PDE10A: variants seen among roughly 807,000 people sequenced by gnomAD.
The protein encoded by PDE10A is phosphodiesterase 10A.
PDE10A carries 39 observed loss-of-function variants against 97.7 expected under a neutral mutation model. That is an observed-to-expected ratio of 0.40 (90% CI 0.31 to 0.52). PDE10A has a LOEUF of 0.52. Ranked by LOEUF, PDE10A falls within the 20% of genes least tolerant of loss-of-function variation. The pLI is 0.56. For missense variants in PDE10A, 731 were observed against 1,047.8 expected (o/e 0.70, Z 4.17); for synonymous variants, 371 against 376.8 (o/e 0.98, Z 0.18).
intron 17 of PDE10A, among the ~76,000 whole-genome samples, chr6:165,382,226 C>T (rs185881800): frequency 9.8e-4 from 149 of 152,242 alleles, no homozygotes; most frequent in African/African-American, 3.3e-3. Context: ...AAAGATGACC[C>T]AGGGACTGCC....
chr6:165,685,829 T>C (rs2128440523), intron 1 of PDE10A, among the ~76,000 whole-genome samples: 1 of 152,322 alleles, frequency 6.6e-6, no homozygotes, highest in East Asian at 1.9e-4. Context: ...AAGGTCACAA[T>C]GTTCTCTGTG....
intron 1 of PDE10A, among the ~76,000 whole-genome samples, chr6:165,580,757 A>C (rs1562599510): frequency 6.6e-6 from 1 of 150,604 alleles, no homozygotes; most frequent in East Asian, 1.9e-4. Context: ...GAAGATAGTA[A>C]GTCTCCTACC....
intron 4 of PDE10A, among the ~76,000 whole-genome samples, chr6:165,449,445 T>A (rs1436864935): frequency 6.6e-6 from 1 of 152,160 alleles, no homozygotes; most frequent in East Asian, 1.9e-4. Context: ...CTCAGGGTCA[T>A]CTGAAGGCAA....
chr6:165,722,331 T>C (rs1792185853), intron 1 of PDE10A, among the ~76,000 whole-genome samples: 2 of 152,186 alleles, frequency 1.3e-5, no homozygotes, highest in African/African-American at 2.4e-5. Context: ...GAAGGTTAAT[T>C]TCTACTCATA....
intron 1 of PDE10A, among the ~76,000 whole-genome samples, chr6:165,653,292 G>T (rs1031360856): frequency 6.6e-6 from 1 of 152,142 alleles, no homozygotes; most frequent in Non-Finnish European, 1.5e-5. Context: ...CTTCCTACCC[G>T]CAAGGAACAC....
At chr6:165,684,391 T>A (rs1378843399) in intron 1 of PDE10A, among the ~76,000 whole-genome samples, 1 of 152,250 alleles carries the variant, frequency 6.6e-6, no homozygotes, top group Non-Finnish European at 1.5e-5. Flanking sequence ...TAAATATTTG[T>A]TCATCGAATA....
chr6:165,943,218 AGAAAGAAAGAAAGAAAGAAGGAAGGAAG>A (rs1316765642), intron 1 of PDE10A, among the ~76,000 whole-genome samples: 44 of 76,398 alleles, frequency 5.8e-4, no homozygotes, highest in South Asian at 8.7e-4. Context: ...AAAGAAAGAA[AGAAAGAAAGAAAGAAAGAAGGAAGGAAG>A]GAAGGAAGGA....
intron 1 of PDE10A, among the ~76,000 whole-genome samples, chr6:165,756,835 TTA>T (rs76957600): frequency 0.14 from 21,307 of 152,074 alleles, 2,296 homozygotes; most frequent in African/African-American, 0.3. Flanking sequence ...TTTTCCAGTC[TTA>T]TGTGAAAAAC....
intron 18 of PDE10A, among the ~76,000 whole-genome samples, chr6:165,352,843 G>C (rs747324239): frequency 6.6e-6 from 1 of 152,036 alleles, no homozygotes; most frequent in Non-Finnish European, 1.5e-5. Flanking sequence ...GAATAAGCTA[G>C]ACTTCATTAA....
intron 2 of PDE10A, among the ~76,000 whole-genome samples, chr6:165,504,363 A>T (rs1019007733): frequency 6.6e-6 from 1 of 152,234 alleles, no homozygotes; most frequent in African/African-American, 2.4e-5. Context: ...ATAGCATTAA[A>T]TATCCAGAAT....
chr6:165,514,273 G>A (rs1305696768), intron 2 of PDE10A, among the ~76,000 whole-genome samples: 1 of 152,132 alleles, frequency 6.6e-6, no homozygotes. Context: ...GCTTTGATAC[G>A]AGGTTAATAC....
intron 1 of PDE10A, among the ~76,000 whole-genome samples, chr6:165,859,050 G>C (rs901855034): frequency 6.6e-6 from 1 of 152,120 alleles, no homozygotes; most frequent in Non-Finnish European, 1.5e-5. Context: ...CTGAACCACT[G>C]ACCTTAGGGA....
intron 1 of PDE10A, among the ~76,000 whole-genome samples, chr6:165,789,207 A>AT (rs1386155220): frequency 6.6e-6 from 1 of 152,174 alleles, no homozygotes; most frequent in African/African-American, 2.4e-5. Context: ...GAAGTTAATA[A>AT]TTTTTTTACA....
At chr6:165,374,710 TTA>T (rs1784498909) in intron 18 of PDE10A, among the ~76,000 whole-genome samples, 2 of 152,098 alleles carry the variant, frequency 1.3e-5, no homozygotes, top group South Asian at 4.1e-4. Context: ...ATACATTGTT[TTA>T]TTGCATTTTG....
rs756956921 is a variant in PDE10A, at chr6:165,723,088, C to T, written c.-614-179520G>A. Among the ~76,000 whole-genome samples, 19 of 152,194 alleles carry T rather than the reference C, an allele frequency of 1.2e-4. 1 individual carries two copies. The highest frequency in any genetic ancestry group is 1.9e-4 in the Non-Finnish European group (13 of 68,008). ...CAGAACACAGGGAATGCCTATGCCT[C>T]GCTTGCTGATCTCCACTGACTCACA... On this transcript the variant is annotated intron_variant, in intron 1 of 19. Coordinates refer to the PDE10A transcript ENST00000366882.
At chr6:165,960,285 A>G (rs1309701724) in intron 1 of PDE10A, among the ~76,000 whole-genome samples, 1 of 152,244 alleles carries the variant, frequency 6.6e-6, no homozygotes, top group Non-Finnish European at 1.5e-5. Flanking sequence ...GTTGTTACAA[A>G]GGAATTTTCC....
chr6:165,365,435 C>T (rs1783708075), intron 18 of PDE10A, among the ~76,000 whole-genome samples: 1 of 152,124 alleles, frequency 6.6e-6, no homozygotes, highest in African/African-American at 2.4e-5. Context: ...ATGGCTCATA[C>T]CTGTAATCCC....
rs6939907 is a variant in PDE10A, at chr6:165,874,337, G to A, written c.-615+113192C>T. 3.9e-3 allele frequency among the ~76,000 whole-genome samples: 586 copies of A among 151,938 alleles called. 5 individuals are homozygous for A. The highest frequency in any genetic ancestry group is 0.014 in the African/African-American group (562 of 41,384). ...AGGACAGACTTTTCCTTGGTAGCCT[G>A]CTACTCATATGGTGGAAGAGAACTT... On this transcript the variant is annotated intron_variant, in intron 1 of 19. Coordinates refer to the PDE10A transcript ENST00000366882.
intron 3 of PDE10A, among the ~76,000 whole-genome samples, chr6:165,453,823 T>C (rs963406168): frequency 2.0e-5 from 3 of 152,130 alleles, no homozygotes; most frequent in African/African-American, 7.2e-5. Context: ...AGTAGGCCAA[T>C]ACCTAGAGAA....
Sources: allele counts gnomAD v4.1 joint callset (sites outside exome capture counted in the v4.1 genomes callset), GRCh38; gene constraint gnomAD v4.1.1; transcripts MANE v1.5; gene names NCBI Gene and HGNC (gene_info 2026-07-23, HGNC 2026-07-21).